Variants in MIR17HG observed in about 807,000 individuals in gnomAD.
MIR17HG encodes the protein miR-17-92a-1 cluster host gene, also known as MIR17 host gene (non-protein coding).
intron 3 of MIR17HG, chr13:91,351,181 C>G (rs377119994): frequency 1.3e-5 from 7 of 526,650 alleles, no homozygotes; most frequent in Non-Finnish European, 2.8e-5. Context: ...TCAAACTGTC[C>G]TGTTACTGAA....
At chr13:91,348,590 TCCGCGTGGGCTTTGTTAGC>T (rs1316546276) in intron 1 of MIR17HG, among the ~76,000 whole-genome samples, 2 of 150,966 alleles carry the variant, frequency 1.3e-5, no homozygotes, top group Non-Finnish European at 3.0e-5. Context: ...CCACCCCCGC[TCCGCGTGGGCTTTGTTAGC>T]CCGCGTGGGC....
At chr13:91,347,687 A>G (rs989320208), upstream of MIR17HG, 1 of 151,706 alleles carries the variant, frequency 6.6e-6, no homozygotes, top group Non-Finnish European at 1.5e-5. Context: ...GCCGCCCTTC[A>G]TTCACCCACA....
chr13:91,349,450 T>C (rs1311274184), intron 1 of MIR17HG, among the ~76,000 whole-genome samples: 1 of 152,114 alleles, frequency 6.6e-6, no homozygotes, highest in Non-Finnish European at 1.5e-5. Flanking sequence ...AATCAAGTAT[T>C]TTAGGAGCTT....
At chr13:91,349,443 C>T (rs1328680527) in intron 1 of MIR17HG, among the ~76,000 whole-genome samples, 1 of 151,552 alleles carries the variant, frequency 6.6e-6, no homozygotes, top group Admixed American at 6.6e-5. Flanking sequence ...TGATCATAAT[C>T]AAGTATTTTA....
intron 3 of MIR17HG, chr13:91,352,072 ACT>A (rs1875344434): frequency 6.6e-6 from 1 of 152,272 alleles, no homozygotes; most frequent in Non-Finnish European, 1.5e-5. Flanking sequence ...GTATGTGTAC[ACT>A]CTTCCCAAAT....
chr13:91,351,671 T>TA (rs1875321965), intron 3 of MIR17HG: 1 of 240,416 alleles, frequency 4.2e-6, no homozygotes, highest in Non-Finnish European at 8.8e-6. Flanking sequence ...TCTGTAAAGT[T>TA]AGAGTATATC....
chr13:91,354,048 A>G (rs1342234248), exon 4 of MIR17HG: 1 of 152,552 alleles, frequency 6.6e-6, no homozygotes, highest in Admixed American at 6.5e-5. Flanking sequence ...TGTCACATTA[A>G]AGTTTATTAT....
intron 3 of MIR17HG, chr13:91,351,352 TC>T (rs780223781): frequency 1.9e-6 from 1 of 531,088 alleles, no homozygotes; most frequent in South Asian, 1.4e-5. Flanking sequence ...ATGCTGTGTT[TC>T]TGTATGGTAT....
chr13:91,348,812 C>T (rs1031355241), intron 1 of MIR17HG, among the ~76,000 whole-genome samples: 11 of 149,742 alleles, frequency 7.3e-5, no homozygotes, highest in African/African-American at 2.2e-4. Context: ...GGGGTGAGGG[C>T]GGGGGACATG....
At chr13:91,349,546 C>G (rs1329731421) in intron 1 of MIR17HG, among the ~76,000 whole-genome samples, 1 of 152,056 alleles carries the variant, frequency 6.6e-6, no homozygotes, top group Non-Finnish European at 1.5e-5. Context: ...GCTTTTAAAT[C>G]CTGCTAGTAT....
intron 1 of MIR17HG, among the ~76,000 whole-genome samples, chr13:91,348,940 A>T (rs1215378895): frequency 1.3e-5 from 2 of 148,386 alleles, no homozygotes; most frequent in Non-Finnish European, 3.0e-5. Flanking sequence ...GCTGGGGGAC[A>T]CAAAGGAGGG....
At chr13:91,351,695 T>C (rs768442903) in intron 3 of MIR17HG, 6 of 222,374 alleles carry the variant, frequency 2.7e-5, no homozygotes, top group African/African-American at 6.6e-5. Context: ...TTGCTTTCTT[T>C]GGAGTTAGTG....
intron 1 of MIR17HG, among the ~76,000 whole-genome samples, chr13:91,349,415 GGAGTCGGT>G (rs1875170584): frequency 6.6e-6 from 1 of 152,062 alleles, no homozygotes; most frequent in African/African-American, 2.4e-5. Context: ...GCTGTACAGT[GGAGTCGGT>G]GATTGCTGCT....
intron 3 of MIR17HG, among the ~76,000 whole-genome samples, chr13:91,352,772 T>A (rs1198303020): frequency 1.3e-5 from 2 of 152,192 alleles, no homozygotes; most frequent in Middle Eastern, 3.2e-3. Context: ...AATAATTGTG[T>A]CTTTTTGGTT....
intron 3 of MIR17HG, among the ~76,000 whole-genome samples, chr13:91,353,400 G>A (rs1468711299): frequency 6.6e-6 from 1 of 152,142 alleles, no homozygotes; most frequent in Non-Finnish European, 1.5e-5. Context: ...GTTAATAAAT[G>A]TGTATGTTTT....
chr13:91,352,034 C>G (rs1487653465), intron 3 of MIR17HG: 1 of 152,998 alleles, frequency 6.5e-6, no homozygotes, highest in Non-Finnish European at 1.5e-5. Context: ...AGAAAAAGAA[C>G]AAATGCTAAA....
intron 3 of MIR17HG, chr13:91,350,992 A>G (rs759074985): frequency 9.5e-6 from 5 of 528,872 alleles, no homozygotes; most frequent in Non-Finnish European, 2.0e-5. Context: ...CAAATGAATG[A>G]TTTTTACTAA....
intron 3 of MIR17HG, chr13:91,350,571 G>T: frequency 1.9e-6 from 1 of 533,422 alleles, no homozygotes; most frequent in South Asian, 1.4e-5. Flanking sequence ...GGAAAAAAGA[G>T]AACATCACCT....
At chr13:91,348,998 CGCCGCGCGGCT>C (rs1288785372) in intron 1 of MIR17HG, among the ~76,000 whole-genome samples, 1 of 149,050 alleles carries the variant, frequency 6.7e-6, no homozygotes, top group African/African-American at 2.4e-5. Context: ...CGCCGCCGGT[CGCCGCGCGGCT>C]GCCGCCGGGA....
Sources: gnomAD v4.1 joint callset for allele counts (sites outside exome capture counted in the v4.1 genomes callset) on GRCh38, gnomAD v4.1.1 for gene constraint, MANE v1.5 for transcripts, NCBI Gene and HGNC (gene_info 2026-07-23, HGNC 2026-07-21) for gene names.